The following LEMD1 variants were observed in gnomAD, a reference collection of about 807,000 sequenced individuals.
LEMD1 encodes the protein LEM domain-containing protein 1.
In LEMD1, 18 loss-of-function variants were observed where a neutral mutation model predicts 17.4. The ratio of observed to expected loss-of-function variants is 1.04; its 90% CI spans 0.72 to 1.54. The LOEUF (loss-of-function observed/expected upper bound fraction) is 1.54. Ranked by LOEUF, LEMD1 falls within the 40% of genes most tolerant of loss-of-function variation. The probability of loss-of-function intolerance (pLI) is 0.00; values close to 1 mark genes in which losing one functional copy is unlikely to be tolerated. For missense variants in LEMD1, 195 were observed against 210.4 expected (o/e 0.93, Z 0.45); for synonymous variants, 88 against 77.8 (o/e 1.13, Z -0.69).
chr1:205,392,541 T>TA (rs375949621), intron 4 of LEMD1, among the ~76,000 whole-genome samples: 1,861 of 148,482 alleles, frequency 0.013, 34 homozygotes, highest in African/African-American at 0.042. Flanking sequence ...AATCCCGCCT[T>TA]AAAAAAAAAC....
chr1:205,391,319 A>G (rs1378743552), intron 4 of LEMD1, among the ~76,000 whole-genome samples: 1 of 152,024 alleles, frequency 6.6e-6, no homozygotes, highest in African/African-American at 2.4e-5. Context: ...CAGGCCAGGG[A>G]GCTTGAGACT....
intron 1 of LEMD1, chr1:205,437,368 A>C (rs1666227449): frequency 6.6e-6 from 1 of 152,476 alleles, no homozygotes; most frequent in South Asian, 2.1e-4. Flanking sequence ...GAGAACGTAC[A>C]TAAGAGTGGC....
rs1459061599 is a variant in LEMD1, at chr1:205,381,782, T to G, written c.422A>C (p.Asp141Ala). 1.9e-6 allele frequency: 3 copies of G among 1,614,146 alleles called. No individual in the cohort carries two copies. Among genetic ancestry groups the G allele is most frequent in the Non-Finnish European group, 2.5e-6 (3 of 1,180,014 alleles). The change falls in exon 6 of 6, where the codon GAC becomes GCC. Residue 141 changes from aspartate (D) to alanine (A), a missense_variant. Asp to Ala is a moderately radical substitution (Grantham distance 126, BLOSUM62 -2). Coordinates refer to ENST00000367153, the MANE Select transcript of LEMD1 (RefSeq NM_001199050.2). The stretch of plus-strand genomic sequence containing the variant: ...TTCTCTCCAGCTCTCGATAGTCTGG[T>G]CTTCCGCGCAGTAGTCTCTCTCTTT... ...ITKERDYCAEDQTIESWREEG... is the reference protein window; with the variant it reads ...ITKERDYCAEAQTIESWREEG...
At chr1:205,392,292 A>G (rs1214658540) in intron 4 of LEMD1, among the ~76,000 whole-genome samples, 1 of 152,218 alleles carries the variant, frequency 6.6e-6, no homozygotes, top group Non-Finnish European at 1.5e-5. Context: ...AACTCTTTGC[A>G]GAGAAGTAGA....
intron 1 of LEMD1, among the ~76,000 whole-genome samples, chr1:205,442,078 G>A (rs923687655): frequency 7.9e-5 from 12 of 152,274 alleles, no homozygotes; most frequent in African/African-American, 2.6e-4. Context: ...TGGGCCTATG[G>A]AAAGGGAGCA....
At chr1:205,437,473 T>A (rs1666228961) in intron 1 of LEMD1, 1 of 152,264 alleles carries the variant, frequency 6.6e-6, no homozygotes. Flanking sequence ...GAGGCAGAAC[T>A]GCAAGGAGTC....
At chr1:205,401,492 C>T (rs1218312863) in intron 4 of LEMD1, among the ~76,000 whole-genome samples, 6 of 130,030 alleles carry the variant, frequency 4.6e-5, no homozygotes, top group Non-Finnish European at 8.5e-5. Context: ...GCATAAATGT[C>T]TTCTTTTGAG....
intron 4 of LEMD1, chr1:205,386,764 C>G (rs1461708250): frequency 6.6e-6 from 1 of 152,126 alleles, no homozygotes; most frequent in African/African-American, 2.4e-5. Context: ...TACCACATAC[C>G]CTTCCAGGAA....
upstream of LEMD1, among the ~76,000 whole-genome samples, chr1:205,423,163 C>A (rs188002172): frequency 1.6e-3 from 244 of 152,262 alleles, no homozygotes; most frequent in African/African-American, 5.7e-3. Flanking sequence ...AAGAGCTGAA[C>A]GTCTTTGGGT....
At chr1:205,408,845 C>T (rs892434101) in intron 4 of LEMD1, among the ~76,000 whole-genome samples, 2 of 148,080 alleles carry the variant, frequency 1.4e-5, no homozygotes, top group African/African-American at 5.1e-5. Flanking sequence ...ACCGGAAGGG[C>T]ACATGTGACT....
chr1:205,429,497 G>T (rs1666097966), intron 1 of LEMD1, among the ~76,000 whole-genome samples: 1 of 152,188 alleles, frequency 6.6e-6, no homozygotes, highest in South Asian at 2.1e-4. Context: ...GCAGCTCTGG[G>T]CTAGAGAGAA....
upstream of LEMD1, among the ~76,000 whole-genome samples, chr1:205,422,579 T>G (rs907550878): frequency 6.6e-6 from 1 of 152,234 alleles, no homozygotes; most frequent in African/African-American, 2.4e-5. Flanking sequence ...ATCCTCTGGA[T>G]ACTCTTATAA....
chr1:205,390,906 G>C (rs1292023501), intron 4 of LEMD1, among the ~76,000 whole-genome samples: 1 of 152,110 alleles, frequency 6.6e-6, no homozygotes, highest in African/African-American at 2.4e-5. Context: ...ACAATAAGCA[G>C]GGGATTCCAA....
chr1:205,418,292 A>T (rs1291183959), intron 3 of LEMD1, among the ~76,000 whole-genome samples: 1 of 152,148 alleles, frequency 6.6e-6, no homozygotes, highest in Non-Finnish European at 1.5e-5. Context: ...ATGCCTTGGA[A>T]TGTATTGTGG....
intron 3 of LEMD1, 66 bp from the exon 4 acceptor site, chr1:205,416,362 A>G (rs1665695891): frequency 1.7e-6 from 2 of 1,147,276 alleles, no homozygotes; most frequent in East Asian, 2.6e-5. Flanking sequence ...GGGAATAAAC[A>G]TCAATCACCA....
intron 1 of LEMD1, among the ~76,000 whole-genome samples, chr1:205,421,196 A>G (rs1374186868): frequency 6.6e-6 from 1 of 152,208 alleles, no homozygotes; most frequent in Non-Finnish European, 1.5e-5. Flanking sequence ...ATTCATATAG[A>G]TTTATGTAAA....
At chr1:205,385,954 A>G (rs1574938837) in intron 4 of LEMD1, 1 of 152,626 alleles carries the variant, frequency 6.6e-6, no homozygotes, top group East Asian at 1.9e-4. Context: ...CAGAACAAGA[A>G]GCACAAGGAA....
intron 4 of LEMD1, among the ~76,000 whole-genome samples, chr1:205,396,280 G>C (rs1450203159): frequency 6.6e-6 from 1 of 152,154 alleles, no homozygotes; most frequent in African/African-American, 2.4e-5. Context: ...TCAAAGTGCT[G>C]GGATAATAGG....
chr1:205,437,093 T>C (rs923026025), intron 1 of LEMD1: 4 of 152,514 alleles, frequency 2.6e-5, no homozygotes, highest in African/African-American at 9.6e-5. Flanking sequence ...CTCCAGCCAC[T>C]GGGCAAAATG....
Sources: gnomAD v4.1 joint callset for allele counts (sites outside exome capture counted in the v4.1 genomes callset) on GRCh38, gnomAD v4.1.1 for gene constraint, MANE v1.5 for transcripts, NCBI Gene and HGNC (gene_info 2026-07-23, HGNC 2026-07-21) for gene names.